Variants in CACNA1D observed in about 807,000 individuals in gnomAD.
The protein encoded by CACNA1D is voltage-dependent L-type calcium channel subunit alpha-1D.
CACNA1D carries 55 observed loss-of-function variants against 257.1 expected under a neutral mutation model. The ratio of observed to expected loss-of-function variants is 0.21; its 90% CI spans 0.17 to 0.27. The LOEUF is 0.27. Ranked by LOEUF, CACNA1D falls within the 10% of genes least tolerant of loss-of-function variation. The pLI, the probability that CACNA1D is intolerant of heterozygous loss-of-function variation, is 1.00. For missense variants in CACNA1D, 1,876 were observed against 2,784.0 expected, an observed-to-expected ratio of 0.67 and a Z score of 7.34; for synonymous variants, 980 against 1,014.9, an observed-to-expected ratio of 0.97 and a Z score of 0.65.
chr3:53,766,620 A>G (rs1054647586), intron 30 of CACNA1D, among the ~76,000 whole-genome samples: 2 of 152,190 alleles, frequency 1.3e-5, no homozygotes, highest in African/African-American at 2.4e-5. Flanking sequence ...CCCAGAGCCT[A>G]TGTGGTAAGA....
chr3:53,691,487 C>T (rs1055940796), intron 8 of CACNA1D, among the ~76,000 whole-genome samples: 2 of 150,938 alleles, frequency 1.3e-5, no homozygotes, highest in Admixed American at 6.7e-5. Context: ...TTCATGGATT[C>T]TCATCATTGG....
chr3:53,700,686 C>T (rs1051899717), intron 8 of CACNA1D, among the ~76,000 whole-genome samples: 4 of 152,172 alleles, frequency 2.6e-5, no homozygotes, highest in African/African-American at 7.2e-5. Context: ...GGGCTCAGAT[C>T]GGCTCCTGCT....
intron 19 of CACNA1D, among the ~76,000 whole-genome samples, chr3:53,734,332 C>T (rs960279106): frequency 1.3e-5 from 2 of 151,156 alleles, no homozygotes; most frequent in Admixed American, 6.6e-5. Flanking sequence ...CATATACACA[C>T]GTATATACTT....
rs181827859 is a variant in CACNA1D at position 53,522,452 on chromosome 3, G to A, written c.483+20732G>A. 8.0e-3 allele frequency among the ~76,000 whole-genome samples: 1,224 copies of A among 152,326 alleles called. 79 individuals carry two copies. Among genetic ancestry groups the A allele is most frequent in the Admixed American group, 0.075 (1,153 of 15,312 alleles). On this transcript the variant is annotated intron_variant, in intron 3 of 47. Transcript: ENST00000350061. ...TTCTTCTGCATAGTTTTTGGATGTG[G>A]TTGCCAGTATAAAGGCTAGTGCCTT...
intron 5 of CACNA1D, among the ~76,000 whole-genome samples, chr3:53,661,001 G>A (rs2094198670): frequency 6.6e-6 from 1 of 152,346 alleles, no homozygotes; most frequent in Admixed American, 6.5e-5. Flanking sequence ...CCCAGGCCAG[G>A]TTAAATCATA....
intron 3 of CACNA1D, among the ~76,000 whole-genome samples, chr3:53,504,441 T>C (rs2107160386): frequency 6.6e-6 from 1 of 152,288 alleles, no homozygotes; most frequent in Middle Eastern, 3.4e-3. Flanking sequence ...ACTCAGCTAG[T>C]TTTGGGATTT....
intron 3 of CACNA1D, among the ~76,000 whole-genome samples, chr3:53,607,031 C>G (rs1163201074): frequency 1.3e-5 from 2 of 152,168 alleles, no homozygotes; most frequent in Non-Finnish European, 2.9e-5. Context: ...ATCCCTGTAC[C>G]TGCTGTTGGA....
Position 53,809,941 on chromosome 3 carries a change from G to A in CACNA1D, c.5872-37G>A, listed in dbSNP as rs757956686. 5 of 1,602,590 alleles carry A rather than the reference G, an allele frequency of 3.1e-6. 1 individual carries two copies. Among genetic ancestry groups the A allele is most frequent in the Non-Finnish European group, 4.3e-6 (5 of 1,169,676 alleles). ...GAAGGTTTGAGGCCCGGACCTCTGA[G>A]AACCTCTGGTCTCCCAACAGTCCCC... On this transcript the variant is annotated intron_variant, in intron 46 of 47. Coordinates refer to ENST00000350061, the MANE Select transcript of CACNA1D (RefSeq NM_001128840.3).
rs559799278 is a variant in CACNA1D, at chr3:53,573,468, T to C, written c.483+71748T>C. 2.8e-4 allele frequency among the ~76,000 whole-genome samples: 43 copies of C among 152,356 alleles called. No individual in the cohort carries two copies. The South Asian group carries it at 8.5e-3, about 30-fold the overall frequency. ...CTATGTGGCTGACTCTCATTTTCTT[T>C]AGATCTTTACTCAGAGTCACCTTTT... is the stretch of plus-strand genomic sequence containing the variant. On this transcript the variant is annotated intron_variant, in intron 3 of 47. Coordinates refer to ENST00000350061, the MANE Select transcript of CACNA1D (RefSeq NM_001128840.3).
intron 10 of CACNA1D, 128 bp from the exon 11 acceptor site, chr3:53,719,627 C>A: frequency 1.2e-6 from 1 of 859,576 alleles, no homozygotes; most frequent in Non-Finnish European, 2.0e-6. Flanking sequence ...TGCTGGCCTG[C>A]TGTGGTAACC....
chr3:53,580,219 G>A, intron 3 of CACNA1D, among the ~76,000 whole-genome samples: 1 of 152,180 alleles, frequency 6.6e-6, no homozygotes, highest in East Asian at 1.9e-4. Flanking sequence ...TGTCCTATAT[G>A]GGAGGCCCAT....
In CACNA1D at chr3:53,810,154, G is replaced by C. The variant is rs2095589006; in HGVS notation, c.6048G>C (p.Leu2016=). 2 of 1,613,974 alleles carry C rather than the reference G, an allele frequency of 1.2e-6. No homozygotes were observed. Among genetic ancestry groups the C allele is most frequent in the South Asian group, 2.2e-5 (2 of 91,084 alleles). The change falls in exon 47 of 48, where the codon CTG becomes CTC. Residue 2016 remains leucine (L), a synonymous_variant. Coordinates refer to ENST00000350061, the MANE Select transcript of CACNA1D (RefSeq NM_001128840.3). The part of the protein sequence containing the change: ...SEALDQVNGS[L]PSLHRSSWYT... ...CCCTGGACCAGGTGAACGGCAGCCT[G>C]CCGTCCCTGCACCGCAGCTCCTGGT... is the stretch of plus-strand genomic sequence containing the variant.
At chr3:53,640,414 T>C in intron 3 of CACNA1D, among the ~76,000 whole-genome samples, 1 of 152,214 alleles carries the variant, frequency 6.6e-6, no homozygotes, top group Admixed American at 6.5e-5. Flanking sequence ...AAGACAAGAT[T>C]GCTGGCCCAG....
At chr3:53,718,575 A>AACCCCC in intron 10 of CACNA1D, 187 bp downstream of exon 10, 1 of 383,350 alleles carries the variant, frequency 2.6e-6, no homozygotes, top group African/African-American at 3.7e-5. Flanking sequence ...ACACCTCCCC[A>AACCCCC]CCCCCCGCCC....
chr3:53,769,186 G>T (rs2095352397), intron 30 of CACNA1D, among the ~76,000 whole-genome samples: 1 of 152,238 alleles, frequency 6.6e-6, no homozygotes, highest in Admixed American at 6.5e-5. Flanking sequence ...TGGGGTGGGG[G>T]TTGGGGGGCA....
At chr3:53,594,216 C>T (rs1289215357) in intron 3 of CACNA1D, among the ~76,000 whole-genome samples, 1 of 152,194 alleles carries the variant, frequency 6.6e-6, no homozygotes, top group Non-Finnish European at 1.5e-5. Flanking sequence ...CACTTTCAGA[C>T]AATAATTGTA....
chr3:53,740,227 T>A (rs1013122559), intron 20 of CACNA1D, 53 bp from the exon 21 acceptor site: 1 of 1,225,490 alleles, frequency 8.2e-7, no homozygotes, highest in East Asian at 2.3e-5. Flanking sequence ...AGCATGCAGA[T>A]GTCAGAGTTT....
chr3:53,751,803 A>C lies in CACNA1D; in HGVS notation c.3571A>C (p.Lys1191Gln), dbSNP rs375542826. 4.3e-6 allele frequency: 7 copies of C among 1,613,806 alleles called. No individual in the cohort carries two copies. The highest frequency in any genetic ancestry group is 1.7e-5 in the Admixed American group (1 of 60,026). Reference sequence around the variant, plus strand: ...ACGTCCCTTGCGGAGATACATCCCCAAAAACCCCTACCAGTACAAGTTCTG... The same window carrying C: ...ACGTCCCTTGCGGAGATACATCCCCCAAAACCCCTACCAGTACAAGTTCTG... The part of the protein sequence containing the change: ...KARPLRRYIP[K>Q]NPYQYKFWYV... The change falls in exon 28 of 48, where the codon AAA (lysine) becomes CAA (glutamine). Residue 1191 changes from lysine to glutamine, a missense_variant. Transcript: ENST00000350061. This position sits in a 1 kb window ranked among gnomAD's most constrained non-coding sequence, Gnocchi z 4.3.
intron 34 of CACNA1D, among the ~76,000 whole-genome samples, chr3:53,775,272 T>G (rs2095390584): frequency 6.6e-6 from 1 of 152,200 alleles, no homozygotes; most frequent in Non-Finnish European, 1.5e-5. Context: ...GTTAAGTATT[T>G]TGGTCATTAA....
Sources: gnomAD v4.1 joint callset for allele counts (sites outside exome capture counted in the v4.1 genomes callset) on GRCh38, gnomAD v4.1.1 for gene constraint, Gnocchi (gnomAD v3.1) non-coding constraint, MANE v1.5 for transcripts, NCBI Gene and HGNC (gene_info 2026-07-23, HGNC 2026-07-21) for gene names.